Variants in GAB1 observed in about 807,000 individuals in gnomAD.
GAB1 encodes the protein GRB2 associated binding protein 1.
Under a neutral mutation model 66.5 loss-of-function variants are expected in GAB1, and 19 were observed. The observed-to-expected ratio is 0.29, with a 90% CI of 0.20 to 0.42. The LOEUF is 0.42. Ranked by LOEUF, GAB1 falls within the 10% of genes least tolerant of loss-of-function variation. The pLI is 1.00. For synonymous variants in GAB1, 294 were observed against 301.4 expected, an observed-to-expected ratio of 0.98 and a Z score of 0.25; for missense variants, 732 against 858.5, an observed-to-expected ratio of 0.85 and a Z score of 1.84.
Position 143,440,246 on chromosome 4 carries a change from C to G in GAB1, c.1449C>G (p.Ser483=). 1.9e-6 allele frequency: 3 copies of G among 1,614,070 alleles called. No individual in the cohort carries two copies. The highest frequency in any genetic ancestry group is 2.5e-6 in the Non-Finnish European group (3 of 1,180,002). Residue 483 remains serine (S), a synonymous_variant, in exon 6 of 10, where the codon TCC becomes TCG. Transcript: ENST00000262994. ...VPMTPGTFDF[S]SFGMQVPPPA... The stretch of plus-strand genomic sequence containing the variant: ...TGACTCCAGGAACATTTGATTTTTC[C>G]TCATTTGGAATGCAAGTTCCTCCTC...
chr4:143,418,827 G>T (rs1285673196), intron 2 of GAB1, among the ~76,000 whole-genome samples: 2 of 152,100 alleles, frequency 1.3e-5, no homozygotes, highest in African/African-American at 4.8e-5. Flanking sequence ...CCCAAAATAA[G>T]AATTTTTAAT....
rs151247090 is a variant in GAB1, at chr4:143,458,050, A to T, written c.1586-1335A>T. 2.5e-4 allele frequency among the ~76,000 whole-genome samples: 38 copies of T among 152,154 alleles called. No homozygotes were observed. In the East Asian group the frequency reaches 7.3e-3, roughly 29 times the overall value. The stretch of plus-strand genomic sequence containing the variant: ...TTTGTAGACAACATTTTATCCTTTC[A>T]GTTTGTGAACTGTTTGTGATTTTCT... On this transcript the variant is annotated intron_variant, in intron 6 of 9. Coordinates refer to ENST00000262994, the MANE Select transcript of GAB1 (RefSeq NM_002039.4).
chr4:143,469,225 T>G lies in GAB1; in HGVS notation c.*36T>G, dbSNP rs1194091386. On this transcript the variant is annotated 3_prime_UTR_variant, in exon 10 of 10. Coordinates refer to ENST00000262994, the MANE Select transcript of GAB1 (RefSeq NM_002039.4). ...TTGCCATTTCTGAACAAAAGAAAAC[T>G]GAATTGTAAAGATAAATCCCTTTTG... 4.4e-6 allele frequency: 7 copies of G among 1,604,298 alleles called. No homozygotes were observed. Among genetic ancestry groups the G allele is most frequent in the Non-Finnish European group, 6.0e-6 (7 of 1,173,298 alleles).
chr4:143,420,249 A>G (rs944145158), intron 2 of GAB1, among the ~76,000 whole-genome samples: 1 of 152,114 alleles, frequency 6.6e-6, no homozygotes, highest in African/African-American at 2.4e-5. Context: ...TTACTATGCT[A>G]ATTTCAGACT....
intron 1 of GAB1, among the ~76,000 whole-genome samples, chr4:143,409,443 A>ATTCTGATG (rs1732248763): frequency 7.0e-6 from 1 of 143,454 alleles, no homozygotes; most frequent in Non-Finnish European, 1.5e-5. Flanking sequence ...TGTGATGATT[A>ATTCTGATG]TTCTGATGGA....
intron 6 of GAB1, among the ~76,000 whole-genome samples, chr4:143,446,608 G>A (rs1396227127): frequency 6.6e-6 from 1 of 152,188 alleles, no homozygotes; most frequent in African/African-American, 2.4e-5. Flanking sequence ...AGAAGTGTCT[G>A]TTCATATCCT....
chr4:143,387,033 A>G (rs929060785), intron 1 of GAB1, among the ~76,000 whole-genome samples: 11 of 152,238 alleles, frequency 7.2e-5, no homozygotes, highest in Non-Finnish European at 1.5e-4. Context: ...AGGGTGAATC[A>G]CTGCCTTTGA....
At chr4:143,348,034 T>C (rs2149645492) in intron 1 of GAB1, among the ~76,000 whole-genome samples, 1 of 152,348 alleles carries the variant, frequency 6.6e-6, no homozygotes, top group East Asian at 1.9e-4. Context: ...GTTCCAGTGC[T>C]AGCCCTGGTT....
At chr4:143,360,262 C>T (rs1729609669) in intron 1 of GAB1, among the ~76,000 whole-genome samples, 2 of 152,152 alleles carry the variant, frequency 1.3e-5, no homozygotes, top group South Asian at 2.1e-4. Context: ...AATTCAAGAA[C>T]TGGGAAATTT....
intron 1 of GAB1, among the ~76,000 whole-genome samples, chr4:143,377,572 T>C (rs1454800701): frequency 6.6e-6 from 1 of 152,192 alleles, no homozygotes; most frequent in Non-Finnish European, 1.5e-5. Flanking sequence ...TTTTGAACTT[T>C]TTTGGATCAT....
chr4:143,371,328 T>C (rs1332955762), intron 1 of GAB1, among the ~76,000 whole-genome samples: 1 of 152,250 alleles, frequency 6.6e-6, no homozygotes, highest in Non-Finnish European at 1.5e-5. Flanking sequence ...CATGTGTCTG[T>C]TGGCTGCATA....
intron 2 of GAB1, among the ~76,000 whole-genome samples, chr4:143,432,563 T>G (rs991440409): frequency 3.3e-5 from 5 of 151,966 alleles, no homozygotes; most frequent in Non-Finnish European, 7.4e-5. Flanking sequence ...TGAAGAGACT[T>G]CAGTTTCAAC....
intron 1 of GAB1, among the ~76,000 whole-genome samples, chr4:143,407,372 G>A (rs1182666983): frequency 6.6e-6 from 1 of 151,528 alleles, no homozygotes; most frequent in Non-Finnish European, 1.5e-5. Flanking sequence ...CACTATTACT[G>A]AGAATTCAAA....
intron 1 of GAB1, among the ~76,000 whole-genome samples, chr4:143,371,268 G>A (rs1424833599): frequency 6.6e-6 from 1 of 152,086 alleles, no homozygotes; most frequent in Non-Finnish European, 1.5e-5. Flanking sequence ...GTATCTCATT[G>A]TGGTTTTGAT....
chr4:143,376,568 T>G (rs1239945925), intron 1 of GAB1, among the ~76,000 whole-genome samples: 1 of 152,230 alleles, frequency 6.6e-6, no homozygotes, highest in Non-Finnish European at 1.5e-5. Context: ...AATGACTTGC[T>G]TTCTAAACCT....
At chr4:143,355,488 T>C (rs1729408849) in intron 1 of GAB1, among the ~76,000 whole-genome samples, 1 of 152,172 alleles carries the variant, frequency 6.6e-6, no homozygotes, top group Non-Finnish European at 1.5e-5. Flanking sequence ...CATTTTTAAG[T>C]GCACGGCACA....
At chr4:143,436,890 T>G (rs547660127) in intron 3 of GAB1, among the ~76,000 whole-genome samples, 1 of 152,280 alleles carries the variant, frequency 6.6e-6, no homozygotes, top group South Asian at 2.1e-4. Flanking sequence ...AAAAGGAGGA[T>G]GATCTCTAAT....
chr4:143,375,437 GT>G (rs1215726055), intron 1 of GAB1, among the ~76,000 whole-genome samples: 1 of 152,156 alleles, frequency 6.6e-6, no homozygotes, highest in Non-Finnish European at 1.5e-5. Flanking sequence ...TTGCCACCTG[GT>G]GGTAAGGAGA....
chr4:143,400,107 A>C (rs949365511), intron 1 of GAB1, among the ~76,000 whole-genome samples: 3 of 151,944 alleles, frequency 2.0e-5, no homozygotes, highest in African/African-American at 7.3e-5. Context: ...TGCCTGGCTC[A>C]TTGTTTTGTA....
Sources: gnomAD v4.1 joint callset for allele counts (sites outside exome capture counted in the v4.1 genomes callset) on GRCh38, gnomAD v4.1.1 for gene constraint, MANE v1.5 for transcripts, NCBI Gene and HGNC (gene_info 2026-07-23, HGNC 2026-07-21) for gene names.